Variants in SEMA6A observed in about 807,000 individuals in gnomAD.
The protein encoded by SEMA6A is semaphorin 6A, also known as semaphorin-6A.
In SEMA6A, 25 loss-of-function variants were observed where a neutral mutation model predicts 96.8. The ratio of observed to expected loss-of-function variants is 0.26; its 90% CI spans 0.19 to 0.36. The LOEUF is 0.36. Ranked by LOEUF, SEMA6A falls within the 10% of genes least tolerant of loss-of-function variation. The pLI is 1.00. For missense variants in SEMA6A, 1,363 were observed against 1,323.1 expected (o/e 1.03, Z -0.47); for synonymous variants, 612 against 518.0 (o/e 1.18, Z -2.46).
intron 18 of SEMA6A, among the ~76,000 whole-genome samples, chr5:116,459,249 C>CTT (rs1271432762): frequency 1.3e-5 from 2 of 152,164 alleles, no homozygotes; most frequent in African/African-American, 4.8e-5. Context: ...GTAACAGACA[C>CTT]TTTAGATCCA....
rs184707315 is a variant in SEMA6A at position 116,452,322 on chromosome 5, C to G, written c.1895-4511G>C. ...TAAGGTGCTAAATGGTTAGTCTTTC[C>G]ACCTTCCTATTGCAGGAAGCAAGGC... On this transcript the variant is annotated intron_variant, in intron 18 of 18. Coordinates refer to ENST00000343348, the MANE Select transcript of SEMA6A (RefSeq NM_020796.5). Among the ~76,000 whole-genome samples, 852 of 152,290 alleles carry G rather than the reference C, an allele frequency of 5.6e-3. 4 individuals are homozygous for G. Among genetic ancestry groups the G allele is most frequent in the Non-Finnish European group, 9.5e-3 (647 of 68,032 alleles).
At chr5:116,498,630 T>G (rs1278040431) in intron 3 of SEMA6A, 1 of 151,974 alleles carries the variant, frequency 6.6e-6, no homozygotes, top group African/African-American at 2.4e-5. Flanking sequence ...GGGGCCTGTT[T>G]TGTAAATTGC....
chr5:116,550,325 A>T (rs1191125478), intron 1 of SEMA6A: 1 of 152,154 alleles, frequency 6.6e-6, no homozygotes, highest in Non-Finnish European at 1.5e-5. Context: ...TTACCAAGAA[A>T]ATGATCCTCT....
intron 1 of SEMA6A, among the ~76,000 whole-genome samples, chr5:116,536,123 G>A (rs1038266633): frequency 2.0e-5 from 3 of 152,084 alleles, no homozygotes; most frequent in African/African-American, 7.2e-5. Flanking sequence ...ACAGATGTTG[G>A]GCACAGAGGT....
chr5:116,449,200 C>A (rs911422460), intron 18 of SEMA6A: 6 of 621,516 alleles, frequency 9.7e-6, no homozygotes, highest in African/African-American at 3.7e-5. Context: ...ATCTCTAATA[C>A]CTCAATTCCT....
At chr5:116,472,824 AACT>A in intron 17 of SEMA6A, 3 of 1,288,918 alleles carry the variant, frequency 2.3e-6, no homozygotes, top group Non-Finnish European at 2.1e-6. Flanking sequence ...GAAAACTATA[AACT>A]ACTGCTGGAT....
At position 116,557,342 on chromosome 5, in the gene SEMA6A, G is replaced by T. The variant is rs1760646386; in HGVS notation, c.-39+16843C>A. ...TTCTCGTGCCTCAGTCTCCCAAGTA[G>T]CTGGGATTACAGGCATGAGACACCA... On this transcript the variant is annotated intron_variant, in intron 1 of 18. Coordinates refer to ENST00000343348, the MANE Select transcript of SEMA6A (RefSeq NM_020796.5). 2.0e-5 allele frequency among the ~76,000 whole-genome samples: 3 copies of T among 152,334 alleles called. No homozygotes were observed. The South Asian group carries it at 6.2e-4, about 32-fold the overall frequency.
At chr5:116,497,463 C>A in intron 3 of SEMA6A, 76 bp from the exon 4 acceptor site, 3 of 867,542 alleles carry the variant, frequency 3.5e-6, no homozygotes, top group South Asian at 1.6e-5. Flanking sequence ...TGAGTTATGT[C>A]TTATCAGGGC....
chr5:116,567,008 T>C (rs551597528), intron 1 of SEMA6A, among the ~76,000 whole-genome samples: 5 of 152,200 alleles, frequency 3.3e-5, no homozygotes, highest in Non-Finnish European at 5.9e-5. Context: ...CCTAAAATTG[T>C]CATTATGAGT....
At chr5:116,511,513 G>T (rs531295554) in intron 1 of SEMA6A, among the ~76,000 whole-genome samples, 23 of 152,278 alleles carry the variant, frequency 1.5e-4, no homozygotes, top group South Asian at 1.0e-3. Context: ...CAGAAGAAAG[G>T]TTGGAAAGAG....
In SEMA6A at chr5:116,445,228, A is replaced by C. The variant is rs1254590024; in HGVS notation, c.*1385T>G. The C allele has an allele frequency of 6.5e-6, 1 of 152,690 alleles. No homozygotes were observed. Among genetic ancestry groups the C allele is most frequent in the African/African-American group, 2.4e-5 (1 of 41,458 alleles). The allele number at this position is 152,690 out of a possible 1,614,324, so 9.5% of individuals were successfully genotyped here. On this transcript the variant is annotated 3_prime_UTR_variant, in exon 19 of 19. Coordinates refer to ENST00000343348, the MANE Select transcript of SEMA6A (RefSeq NM_020796.5). ...GAGGGTGGGGAAGGGAGGGTTAAAT[A>C]AATATCTGCACTTATTTCAAAAGGG...
At chr5:116,488,049 CA>C (rs1757143196) in intron 9 of SEMA6A, 58 bp downstream of exon 9, 1 of 1,114,202 alleles carries the variant, frequency 9.0e-7, no homozygotes. Flanking sequence ...AACATTTGAC[CA>C]AAGGTGTGGG....
chr5:116,557,779 T>A (rs577360586), intron 1 of SEMA6A, among the ~76,000 whole-genome samples: 3 of 152,332 alleles, frequency 2.0e-5, no homozygotes, highest in African/African-American at 7.2e-5. Flanking sequence ...CTTAACACTC[T>A]AGCTGCTGAC....
chr5:116,465,011 T>C (rs1439169279), intron 18 of SEMA6A, among the ~76,000 whole-genome samples: 1 of 152,186 alleles, frequency 6.6e-6, no homozygotes, highest in Non-Finnish European at 1.5e-5. Context: ...TTCCAGAGTA[T>C]ATTTAGCTCC....
At chr5:116,468,867 C>T (rs953799190) in intron 17 of SEMA6A, 1 of 152,092 alleles carries the variant, frequency 6.6e-6, no homozygotes, top group Non-Finnish European at 1.5e-5. Flanking sequence ...CCAAAAGCTC[C>T]AGCCTTGAAG....
chr5:116,502,378 A>G (rs2112767874), intron 2 of SEMA6A, 51 bp from the exon 3 acceptor site: 1 of 1,522,504 alleles, frequency 6.6e-7, no homozygotes, highest in African/African-American at 1.4e-5. Flanking sequence ...CAAGCCAGGA[A>G]TTGACAGGGT....
At chr5:116,500,163 C>A (rs1196925077) in intron 3 of SEMA6A, among the ~76,000 whole-genome samples, 1 of 152,140 alleles carries the variant, frequency 6.6e-6, no homozygotes, top group Non-Finnish European at 1.5e-5. Flanking sequence ...TATGGAAATG[C>A]TTTATAATGG....
chr5:116,572,194 G>T (rs1452299599), intron 1 of SEMA6A, among the ~76,000 whole-genome samples: 1 of 152,226 alleles, frequency 6.6e-6, no homozygotes, highest in Non-Finnish European at 1.5e-5. Flanking sequence ...TCAGATCTGA[G>T]GTAAAGAAAG....
At chr5:116,526,431 C>T (rs1482266895) in intron 1 of SEMA6A, among the ~76,000 whole-genome samples, 1 of 152,140 alleles carries the variant, frequency 6.6e-6, no homozygotes, top group Non-Finnish European at 1.5e-5. Context: ...AATCTATCCA[C>T]ACCATTAGTG....
Sources: allele counts gnomAD v4.1 joint callset (sites outside exome capture counted in the v4.1 genomes callset), GRCh38; gene constraint gnomAD v4.1.1; transcripts MANE v1.5; gene names NCBI Gene and HGNC (gene_info 2026-07-23, HGNC 2026-07-21).